The following SLFN13 variants were observed in gnomAD, a reference collection of about 807,000 sequenced individuals.
SLFN13 encodes schlafen family member 13, also known as schlafen-13.
Under a neutral mutation model 50.6 loss-of-function variants are expected in SLFN13, and 43 were observed. The ratio of observed to expected loss-of-function variants is 0.85; its 90% CI spans 0.67 to 1.09. The LOEUF (loss-of-function observed/expected upper bound fraction) is 1.09, where lower values mean the gene tolerates loss of function less well. SLFN13 is among the 50% of genes least tolerant of loss of function. The pLI is 0.00. For missense variants in SLFN13, 881 were observed against 1,071.1 expected, an observed-to-expected ratio of 0.82 and a Z score of 2.48; for synonymous variants, 339 against 386.5, an observed-to-expected ratio of 0.88 and a Z score of 1.44.
Position 35,444,686 on chromosome 17 carries a change from A to G in SLFN13, c.995T>C (p.Met332Thr). 6 of 1,614,216 alleles carry G rather than the reference A, an allele frequency of 3.7e-6. No homozygotes were observed. Among genetic ancestry groups the G allele is most frequent in the African/African-American group, 1.3e-5 (1 of 75,044 alleles). The change falls in exon 3 of 6, where the codon ATG (methionine) becomes ACG (threonine). Residue 332 changes from methionine (M) to threonine (T), a missense_variant. By Grantham distance (81) the Met-to-Thr change is moderately conservative. Around this residue, in one of 5 missense-constraint regions of SLFN13, gnomAD observed 497 missense variants for 518.3 expected, o/e 0.96. Coordinates refer to ENST00000285013, the MANE Select transcript of SLFN13 (RefSeq NM_144682.6). ...GGGGCGGATGTACTTCTCCCTCACC[A>G]TCCATGACTTGGGAGCTTCCGAGAA... is the stretch of plus-strand genomic sequence containing the variant. Reference protein sequence around the residue: ...VVFSEAPKSWMVREKYIRPLT... With the variant: ...VVFSEAPKSWTVREKYIRPLT...
rs1337751397 is a variant in SLFN13, at chr17:35,440,490, TCTAA to T, written c.*101_*104del. The T allele has an allele frequency of 9.5e-6, 13 of 1,370,278 alleles. No homozygotes were observed. Among genetic ancestry groups the T allele is most frequent in the African/African-American group, 5.8e-5 (4 of 69,304 alleles). The allele number at this position is 1,370,278 out of a possible 1,614,324, so 84.9% of individuals were successfully genotyped here. ...TCTTTGTGTCAGCTCTGTCCAAATC[TCTAA>T]CTGACTTGTGAACTAAAAAGAAAGG... is the stretch of plus-strand genomic sequence containing the variant. On this transcript the variant is annotated 3_prime_UTR_variant, in exon 6 of 6. Coordinates refer to ENST00000285013, the MANE Select transcript of SLFN13 (RefSeq NM_144682.6).
rs150209843 is a variant in SLFN13, at chr17:35,444,924, T to A, written c.757A>T (p.Ser253Cys). The A allele has an allele frequency of 1.9e-5, 30 of 1,614,090 alleles. No individual in the cohort carries two copies. In the African/African-American group the frequency reaches 3.3e-4, roughly 18 times the overall value. Residue 253 changes from serine to cysteine, a missense_variant, in exon 3 of 6, where the codon AGT becomes TGT. Ser to Cys is a moderately radical substitution (Grantham distance 112, BLOSUM62 -1). Around this residue, in one of 5 missense-constraint regions of SLFN13, gnomAD observed 497 missense variants for 518.3 expected, o/e 0.96. Coordinates refer to ENST00000285013, the MANE Select transcript of SLFN13 (RefSeq NM_144682.6). ...TTGGCACATCCCAGGACTTTCCTACTCTTATCATCCACTCCAATAAAAAGA... is the reference window on the plus strand; with the variant it reads ...TTGGCACATCCCAGGACTTTCCTACACTTATCATCCACTCCAATAAAAAGA... ...GYLFIGVDDK[S>C]RKVLGCAKEQ...
rs1913131594 is a variant in SLFN13 at position 35,445,092 on chromosome 17, T to C, written c.589A>G (p.Thr197Ala). The C allele has an allele frequency of 1.2e-6, 2 of 1,613,886 alleles. No individual in the cohort carries two copies. Among genetic ancestry groups the C allele is most frequent in the Non-Finnish European group, 1.7e-6 (2 of 1,180,012 alleles). ...NPAYEVFQTD[T>A]IEYGEILSFP... ...GATAGGATTTCACCATATTCAATAGTGTCAGTTTGGAAAACTTCATATGCA... is the reference window on the plus strand; with the variant it reads ...GATAGGATTTCACCATATTCAATAGCGTCAGTTTGGAAAACTTCATATGCA... The change falls in exon 3 of 6, where the codon ACT becomes GCT. Residue 197 changes from threonine (T) to alanine (A), a missense_variant. By Grantham distance (58) the Thr-to-Ala change is moderately conservative. Coordinates refer to ENST00000285013, the MANE Select transcript of SLFN13 (RefSeq NM_144682.6).
rs761835068 is a variant in SLFN13 at position 35,445,426 on chromosome 17, C to T, written c.255G>A (p.Lys85=). ...CCTGCAAATATGGATACTGAATAAG[C>T]TTTCTCAAGGATTCTTCTAAATCCA... ...MGLDLEESLR[K]LIQYPYLQAF... The change falls in exon 3 of 6, where the codon AAG becomes AAA. Residue 85 remains lysine, a synonymous_variant. Transcript: ENST00000285013. The T allele has an allele frequency of 6.8e-6, 11 of 1,614,168 alleles. No homozygotes were observed. The East Asian group carries it at 2.0e-4, about 29-fold the overall frequency.
At chr17:35,449,066 A>G (rs1310195625), upstream of SLFN13, among the ~76,000 whole-genome samples, 1 of 151,356 alleles carries the variant, frequency 6.6e-6, no homozygotes, top group Non-Finnish European at 1.5e-5. Flanking sequence ...AACAACAACA[A>G]CAACAACAAA....
At chr17:35,441,520 C>T (rs1378415881) in intron 5 of SLFN13, 43 bp downstream of exon 5, 1 of 1,610,448 alleles carries the variant, frequency 6.2e-7, no homozygotes, top group Non-Finnish European at 8.5e-7. Context: ...AAAATTAAAC[C>T]CAGATTAAAT....
chr17:35,440,693 A>G lies in SLFN13; in HGVS notation c.2596T>C (p.Phe866Leu). The G allele has an allele frequency of 6.2e-7, 1 of 1,614,132 alleles. No homozygotes were observed. Among genetic ancestry groups the G allele is most frequent in the East Asian group, 2.2e-5 (1 of 44,888 alleles). ...RFSGLERSIV[F>L]GIHPRTADPA... ...TCAGCTGTCCTTGGATGGATCCCAA[A>G]CACTATGCTCCTTTCCAGGCCTGAG... The change falls in exon 6 of 6, where the codon TTT (phenylalanine) becomes CTT (leucine). Residue 866 changes from phenylalanine to leucine, a missense_variant. Around this residue, in one of 5 missense-constraint regions of SLFN13, gnomAD observed 322 missense variants for 327.4 expected, o/e 0.98. Transcript: ENST00000285013.
chr17:35,440,480 T>C lies in SLFN13; in HGVS notation c.*115A>G. Reference sequence around the variant, plus strand: ...AGCTCCAAACTCTTTGTGTCAGCTCTGTCCAAATCTCTAACTGACTTGTGA... The same window carrying C: ...AGCTCCAAACTCTTTGTGTCAGCTCCGTCCAAATCTCTAACTGACTTGTGA... On this transcript the variant is annotated 3_prime_UTR_variant, in exon 6 of 6. Coordinates refer to ENST00000285013, the MANE Select transcript of SLFN13 (RefSeq NM_144682.6). 1 of 1,280,128 alleles carries C rather than the reference T, an allele frequency of 7.8e-7. No individual in the cohort carries two copies. Among genetic ancestry groups the C allele is most frequent in the Non-Finnish European group, 1.1e-6 (1 of 917,064 alleles). 79.3% of individuals were successfully genotyped at this position (1,280,128 alleles called of 1,614,324 possible).
In SLFN13 at chr17:35,442,086, T is replaced by C. The variant is rs1912939873; in HGVS notation, c.1399A>G (p.Asn467Asp). The C allele has an allele frequency of 1.9e-6, 3 of 1,614,158 alleles. No individual in the cohort carries two copies. Among genetic ancestry groups the C allele is most frequent in the African/African-American group, 1.3e-5 (1 of 74,950 alleles). The change falls in exon 5 of 6, where the codon AAC becomes GAC. Residue 467 changes from asparagine (N) to aspartate (D), a missense_variant. By Grantham distance (23) the Asn-to-Asp change is conservative (BLOSUM62 1). Around this residue, in one of 5 missense-constraint regions of SLFN13, gnomAD observed 15 missense variants for 29.0 expected, o/e 0.52. Transcript: ENST00000285013. ...VICDALLIAQ[N>D]STPILYTILR... ...ATGGTGTAGAGAATGGGGGTGCTGT[T>C]CTGTGCTATCAGCAGAGCATCACAG...
At position 35,438,336 on chromosome 17, in the gene SLFN13, A is replaced by G. The variant is rs1567858632; in HGVS notation, c.*2259T>C. The G allele has an allele frequency of 2.0e-5, 3 of 151,954 alleles. No homozygotes were observed. The highest frequency in any genetic ancestry group is 2.9e-5 in the Non-Finnish European group (2 of 67,998). The allele number at this position is 151,954 out of a possible 1,614,324, so 9.4% of individuals were successfully genotyped here. A position where few individuals can be genotyped will look rare whatever the true frequency, so the allele number is the denominator to read the frequency against. On this transcript the variant is annotated 3_prime_UTR_variant, in exon 6 of 6. Coordinates refer to ENST00000285013, the MANE Select transcript of SLFN13 (RefSeq NM_144682.6). The stretch of plus-strand genomic sequence containing the variant: ...TAAACATTTCCTCATCATATGGAAA[A>G]AGAAGAAAGCATCAGTAATCCTCTT...
chr17:35,445,463 G>A lies in SLFN13; in HGVS notation c.218C>T (p.Thr73Ile). 6.2e-7 allele frequency: 1 copy of A among 1,614,158 alleles called. No individual in the cohort carries two copies. The highest frequency in any genetic ancestry group is 8.5e-7 in the Non-Finnish European group (1 of 1,180,020). ...MEMANRDERP[T>I]EMGLDLEESL... ...TTCTTCTAAATCCAGTCCCATCTCT[G>A]TGGGACGCTCATCCCTGTTGGCCAT... The change falls in exon 3 of 6, where the codon ACA becomes ATA. Residue 73 changes from threonine (T) to isoleucine (I), a missense_variant. Coordinates refer to ENST00000285013, the MANE Select transcript of SLFN13 (RefSeq NM_144682.6).
chr17:35,448,990 CT>C (rs138083214), upstream of SLFN13, among the ~76,000 whole-genome samples: 7,878 of 152,128 alleles, frequency 0.052, 442 homozygotes, highest in East Asian at 0.17. Flanking sequence ...GGGTTCATCG[CT>C]TGAGCCAAGA....
Position 35,440,839 on chromosome 17 carries a change from G to T in SLFN13, c.2450C>A (p.Thr817Lys), listed in dbSNP as rs1017579933. Residue 817 changes from threonine to lysine, a missense_variant, in exon 6 of 6, where the codon ACA (threonine) becomes AAA (lysine). Thr to Lys is a moderately conservative substitution (Grantham distance 78). Transcript: ENST00000285013. ...CTTAGACTGATACTGCTCCACTTCT[G>T]TCACGGTGCTGACAAGCACAGCAAC... ...KDVAVLVSTV[T>K]EVEQYQSKLL... The T allele has an allele frequency of 3.7e-6, 6 of 1,614,100 alleles. No homozygotes were observed. In the East Asian group the frequency reaches 6.7e-5, roughly 18 times the overall value.
rs1201539766 is a variant in SLFN13, at chr17:35,436,612, T to A, written c.*3983A>T. 1.3e-5 allele frequency: 2 copies of A among 152,138 alleles called. No individual in the cohort carries two copies. The highest frequency in any genetic ancestry group is 2.4e-5 in the African/African-American group (1 of 41,432). The allele number at this position is 152,138 out of a possible 1,614,324, so 9.4% of individuals were successfully genotyped here. A position where few individuals can be genotyped will look rare whatever the true frequency, so the allele number is the denominator to read the frequency against. ...TCATCAGGAATGGAACTAATCACTA[T>A]CAAGTGCCTTCTAATACCGTGAACT... On this transcript the variant is annotated 3_prime_UTR_variant, in exon 6 of 6. Coordinates refer to ENST00000285013, the MANE Select transcript of SLFN13 (RefSeq NM_144682.6).
rs116180460 is a variant in SLFN13 at position 35,441,338 on chromosome 17, G to A, written c.1951C>T (p.Arg651Trp). Residue 651 changes from arginine to tryptophan, a missense_variant, in exon 6 of 6, where the codon CGG (arginine) becomes TGG (tryptophan). Around this residue, in one of 5 missense-constraint regions of SLFN13, gnomAD observed 322 missense variants for 327.4 expected, o/e 0.98. Coordinates refer to ENST00000285013, the MANE Select transcript of SLFN13 (RefSeq NM_144682.6). ...AATTTTTCTCTTAGGAAAGTTTCCCGGGTCTCTGCTCGGCAGATATTTCTA... is the reference window on the plus strand; with the variant it reads ...AATTTTTCTCTTAGGAAAGTTTCCCAGGTCTCTGCTCGGCAGATATTTCTA... ...SDRNICRAET[R>W]ETFLREKFEH... 375 of 1,610,342 alleles carry A rather than the reference G, an allele frequency of 2.3e-4. 1 individual carries two copies. In the African/African-American group the frequency reaches 3.6e-3, roughly 16 times the overall value.
intron 4 of SLFN13, among the ~76,000 whole-genome samples, chr17:35,443,580 C>T (rs1913036376): frequency 6.6e-6 from 1 of 152,126 alleles, no homozygotes; most frequent in Admixed American, 6.5e-5. Context: ...GTTTAACTAC[C>T]TTCCATGGCA....
rs530910352 is a variant in SLFN13 at position 35,437,214 on chromosome 17, T to C, written c.*3381A>G. ...TGTTTTATTATTATTTTGTTAGACATGGGGTCTTATTCTGTTGCCCAGGCT... is the reference window on the plus strand; with the variant it reads ...TGTTTTATTATTATTTTGTTAGACACGGGGTCTTATTCTGTTGCCCAGGCT... On this transcript the variant is annotated 3_prime_UTR_variant, in exon 6 of 6. Coordinates refer to ENST00000285013, the MANE Select transcript of SLFN13 (RefSeq NM_144682.6). 7.1e-4 allele frequency: 108 copies of C among 152,202 alleles called. 1 individual carries two copies. Among genetic ancestry groups the C allele is most frequent in the African/African-American group, 2.6e-3 (108 of 41,554 alleles). 9.4% of individuals were successfully genotyped at this position (152,202 alleles called of 1,614,324 possible).
Position 35,444,952 on chromosome 17 carries a change from G to T in SLFN13, c.729C>A (p.Gly243=). 1 of 1,614,136 alleles carries T rather than the reference G, an allele frequency of 6.2e-7. No homozygotes were observed. The highest frequency in any genetic ancestry group is 8.5e-7 in the Non-Finnish European group (1 of 1,180,026). ...TATCATCCACTCCAATAAAAAGATA[G>T]CCTCCCTCAGTGTTTGCAAATGCAG... ...YISAFANTEG[G]YLFIGVDDKS... Residue 243 remains glycine (G), a synonymous_variant, in exon 3 of 6, where the codon GGC becomes GGA. Coordinates refer to ENST00000285013, the MANE Select transcript of SLFN13 (RefSeq NM_144682.6).
At chr17:35,446,859 C>G (rs534890495) in intron 2 of SLFN13, 1 of 152,218 alleles carries the variant, frequency 6.6e-6, no homozygotes, top group South Asian at 2.1e-4. Context: ...TAATTTAGAC[C>G]CTTGCCTAGA....
Sources: gnomAD v4.1 joint callset for allele counts (sites outside exome capture counted in the v4.1 genomes callset) on GRCh38, gnomAD v4.1.1 for gene constraint, gnomAD v4.1.1 regional missense constraint, MANE v1.5 for transcripts, NCBI Gene and HGNC (gene_info 2026-07-23, HGNC 2026-07-21) for gene names.